FRMD3: variants seen among roughly 807,000 people sequenced by gnomAD.
FRMD3 encodes the protein FERM domain-containing protein 3.
In FRMD3, 33 loss-of-function variants were observed where a neutral mutation model predicts 70.2. The ratio of observed to expected loss-of-function variants is 0.47; its 90% CI spans 0.36 to 0.63. The LOEUF is 0.63. Ranked by LOEUF, FRMD3 falls within the 20% of genes least tolerant of loss-of-function variation. FRMD3 has a pLI of 0.00. For missense variants in FRMD3, 632 were observed against 711.4 expected (o/e 0.89, Z 1.27); for synonymous variants, 279 against 255.9 (o/e 1.09, Z -0.86).
At chr9:83,467,554 G>A in intron 1 of FRMD3, 1 of 968,522 alleles carries the variant, frequency 1.0e-6, no homozygotes, top group Admixed American at 2.0e-5. Flanking sequence ...AGTAACTCAT[G>A]ACATGCATTA....
chr9:83,496,185 A>G (rs1587476441), intron 1 of FRMD3, among the ~76,000 whole-genome samples: 1 of 152,252 alleles, frequency 6.6e-6, no homozygotes, highest in Non-Finnish European at 1.5e-5. Flanking sequence ...ATGATTTCAC[A>G]TGATATTTCA....
intron 1 of FRMD3, among the ~76,000 whole-genome samples, chr9:83,448,882 C>T (rs1400270037): frequency 6.6e-6 from 1 of 152,228 alleles, no homozygotes; most frequent in East Asian, 1.9e-4. Flanking sequence ...CAAGTCAGAG[C>T]ATACCTAGAC....
chr9:83,243,207 G>A (rs1323901779), downstream of FRMD3: 3 of 1,550,234 alleles, frequency 1.9e-6, no homozygotes, highest in African/African-American at 4.1e-5. Context: ...TCTGTTTACT[G>A]CATGGAGACT....
At chr9:83,384,616 T>C (rs1825458199) in intron 2 of FRMD3, among the ~76,000 whole-genome samples, 1 of 152,136 alleles carries the variant, frequency 6.6e-6, no homozygotes. Context: ...CGGTGGGGGA[T>C]CAGGACTGAA....
chr9:83,414,836 T>C (rs1477703300), intron 1 of FRMD3, among the ~76,000 whole-genome samples: 1 of 152,210 alleles, frequency 6.6e-6, no homozygotes, highest in Non-Finnish European at 1.5e-5. Flanking sequence ...TTGTTGTATG[T>C]TTTGATATTT....
chr9:83,346,720 T>G (rs1823976703), intron 4 of FRMD3, among the ~76,000 whole-genome samples: 1 of 152,232 alleles, frequency 6.6e-6, no homozygotes, highest in Non-Finnish European at 1.5e-5. Context: ...GTGGTGGTTC[T>G]CAAAATTTGG....
chr9:83,346,684 AT>A (rs1564027122), intron 4 of FRMD3, among the ~76,000 whole-genome samples: 3 of 152,240 alleles, frequency 2.0e-5, no homozygotes. Flanking sequence ...AAAATAAACT[AT>A]TTTGAAAATC....
intron 3 of FRMD3, among the ~76,000 whole-genome samples, chr9:83,353,655 A>G (rs1346883029): frequency 6.6e-6 from 1 of 152,228 alleles, no homozygotes; most frequent in Non-Finnish European, 1.5e-5. Flanking sequence ...GACAGAATCA[A>G]AATACAGATC....
Position 83,280,285 on chromosome 9 carries a change from G to A in FRMD3, c.1195+10318C>T, listed in dbSNP as rs532122808. Among the ~76,000 whole-genome samples the A allele has an allele frequency of 2.0e-4, 31 of 152,202 alleles. No individual in the cohort carries two copies. In the South Asian group the frequency reaches 5.2e-3, roughly 26 times the overall value. On this transcript the variant is annotated intron_variant, in intron 13 of 13. Transcript: ENST00000304195. Reference sequence around the variant, plus strand: ...TCATTCTCTGTCCAATGCTCTTCCCGCCACCAGAGAATCCCCACTAATATT... The same window carrying A: ...TCATTCTCTGTCCAATGCTCTTCCCACCACCAGAGAATCCCCACTAATATT...
At chr9:83,547,307 G>T in the FRMD3 span, among the ~76,000 whole-genome samples, 1 of 147,664 alleles carries the variant, frequency 6.8e-6, no homozygotes, top group Non-Finnish European at 1.5e-5. Context: ...ACCAAAAAAG[G>T]TCATTATGAT....
chr9:83,472,540 A>AT (rs1165534538), intron 1 of FRMD3, among the ~76,000 whole-genome samples: 2 of 152,120 alleles, frequency 1.3e-5, no homozygotes, highest in Non-Finnish European at 2.9e-5. Flanking sequence ...AGGAAAGTAG[A>AT]ACACCACCCA....
chr9:83,529,662 T>C (rs12551989), intron 1 of FRMD3, among the ~76,000 whole-genome samples: 26 of 152,136 alleles, frequency 1.7e-4, no homozygotes, highest in African/African-American at 6.0e-4. Flanking sequence ...TTGGACTTTA[T>C]CAAAATTAAA....
rs1269613892 is a variant in FRMD3, at chr9:83,295,047, C to G, written c.1070+3701G>C. Among the ~76,000 whole-genome samples the G allele has an allele frequency of 2.0e-5, 3 of 152,154 alleles. No individual in the cohort carries two copies. The East Asian group carries it at 5.8e-4, about 29-fold the overall frequency. On this transcript the variant is annotated intron_variant, in intron 12 of 13. Coordinates refer to ENST00000304195, the MANE Select transcript of FRMD3 (RefSeq NM_174938.6). ...AGATGACTCTGCAAAAATATCTGGC[C>G]CGCTTTGCAGCCCCACTCATGCATG...
intron 1 of FRMD3, among the ~76,000 whole-genome samples, chr9:83,501,834 G>C (rs939224064): frequency 2.0e-5 from 3 of 152,194 alleles, no homozygotes; most frequent in African/African-American, 7.2e-5. Flanking sequence ...ATCTGATTAA[G>C]TGACTCCATG....
At chr9:83,516,221 C>T (rs1829452076) in intron 1 of FRMD3, among the ~76,000 whole-genome samples, 1 of 151,658 alleles carries the variant, frequency 6.6e-6, no homozygotes, top group East Asian at 1.9e-4. Context: ...ATTCAGGAGA[C>T]CCATCTCACA....
Position 83,248,049 on chromosome 9 carries a change from C to A in FRMD3, c.1663G>T (p.Asp555Tyr), listed in dbSNP as rs930047489. 1.9e-6 allele frequency: 3 copies of A among 1,614,036 alleles called. No homozygotes were observed. In the African/African-American group the frequency reaches 4.0e-5, roughly 22 times the overall value. Residue 555 changes from aspartate to tyrosine, a missense_variant, in exon 14 of 14, where the codon GAT (aspartate) becomes TAT (tyrosine). Coordinates refer to ENST00000304195, the MANE Select transcript of FRMD3 (RefSeq NM_174938.6). ...CGGATTTCGCATAAGAAGGAGAGAT[C>A]AATACCTGACTCCAAAAGGAGGAGG... ...LLLLLLESGI[D>Y]LSFLCEIRQT...
At chr9:83,450,689 G>A (rs1304747733) in intron 1 of FRMD3, among the ~76,000 whole-genome samples, 1 of 152,160 alleles carries the variant, frequency 6.6e-6, no homozygotes, top group Non-Finnish European at 1.5e-5. Context: ...GGCAGGGCTG[G>A]AGTCTCCATG....
At chr9:83,492,760 T>G (rs1307554470) in intron 1 of FRMD3, among the ~76,000 whole-genome samples, 1 of 152,166 alleles carries the variant, frequency 6.6e-6, no homozygotes, top group Non-Finnish European at 1.5e-5. Context: ...ACAATTTGCA[T>G]GGGTCTCCTG....
At chr9:83,507,724 A>ATCTATC (rs1564109305) in intron 1 of FRMD3, among the ~76,000 whole-genome samples, 5 of 111,014 alleles carry the variant, frequency 4.5e-5, no homozygotes, top group Admixed American at 9.9e-5. Flanking sequence ...ATATATATAT[A>ATCTATC]TATATATATA....
Sources: allele counts gnomAD v4.1 joint callset (sites outside exome capture counted in the v4.1 genomes callset), GRCh38; gene constraint gnomAD v4.1.1; transcripts MANE v1.5; gene names NCBI Gene and HGNC (gene_info 2026-07-23, HGNC 2026-07-21).